Variants in GRIK2 observed in about 807,000 individuals in gnomAD.
The protein encoded by GRIK2 is glutamate ionotropic receptor kainate type subunit 2, also known as glutamate receptor ionotropic, kainate 2.
In GRIK2, 32 loss-of-function variants were observed where a neutral mutation model predicts 100.3. That is an observed-to-expected ratio of 0.32 (90% CI 0.24 to 0.43). GRIK2 has a LOEUF of 0.43. Among genes scored for constraint, GRIK2 ranks in the 20% least tolerant of loss-of-function variants. GRIK2 has a pLI of 1.00. For missense variants in GRIK2, 843 were observed against 1,114.9 expected (o/e 0.76, Z 3.47); for synonymous variants, 417 against 389.4 (o/e 1.07, Z -0.83).
rs78698539 is a variant in GRIK2, at chr6:101,724,677, T to G, written c.951+38324T>G. On this transcript the variant is annotated intron_variant, in intron 7 of 16. Coordinates refer to ENST00000369134, the MANE Select transcript of GRIK2 (RefSeq NM_021956.5). ...TCAACTGTGCATAAGAGCATTTGGGTAGGTGAGGAGGCATTAATGAAAGAT... is the reference window on the plus strand; with the variant it reads ...TCAACTGTGCATAAGAGCATTTGGGGAGGTGAGGAGGCATTAATGAAAGAT... 9.5e-3 allele frequency among the ~76,000 whole-genome samples: 1,449 copies of G among 152,122 alleles called. 27 individuals are homozygous for G. Among genetic ancestry groups the G allele is most frequent in the African/African-American group, 0.034 (1,393 of 41,542 alleles).
chr6:101,949,430 A>G (rs888908382), intron 14 of GRIK2, among the ~76,000 whole-genome samples: 2 of 152,066 alleles, frequency 1.3e-5, no homozygotes, highest in Non-Finnish European at 2.9e-5. Flanking sequence ...TGTTTGTTAC[A>G]TAGATATACA....
intron 14 of GRIK2, chr6:101,993,938 T>C (rs993392911): frequency 1.4e-5 from 2 of 147,496 alleles, no homozygotes; most frequent in East Asian, 2.0e-4. Context: ...AATATGAATA[T>C]ATACATTATA....
chr6:101,484,913 C>T (rs1772736517), intron 2 of GRIK2, among the ~76,000 whole-genome samples: 1 of 152,130 alleles, frequency 6.6e-6, no homozygotes, highest in Non-Finnish European at 1.5e-5. Flanking sequence ...AAACATTTAT[C>T]ACTTTTATTG....
intron 14 of GRIK2, among the ~76,000 whole-genome samples, chr6:102,020,397 A>G (rs1489853933): frequency 6.6e-6 from 1 of 151,880 alleles, no homozygotes; most frequent in Non-Finnish European, 1.5e-5. Context: ...GTAGAAATTT[A>G]TAGCCATGGA....
At chr6:101,705,751 T>G (rs2128355431) in intron 7 of GRIK2, among the ~76,000 whole-genome samples, 1 of 152,006 alleles carries the variant, frequency 6.6e-6, no homozygotes, top group South Asian at 2.1e-4. Flanking sequence ...AATGACAAAG[T>G]TAAGTGTGAT....
intron 9 of GRIK2, among the ~76,000 whole-genome samples, chr6:101,803,169 A>T (rs1004797688): frequency 6.6e-6 from 1 of 151,902 alleles, no homozygotes; most frequent in African/African-American, 2.4e-5. Flanking sequence ...GAGAAAAATT[A>T]TATGTGACTG....
intron 2 of GRIK2, among the ~76,000 whole-genome samples, chr6:101,590,846 A>T (rs1778609194): frequency 6.6e-6 from 1 of 151,986 alleles, no homozygotes; most frequent in African/African-American, 2.4e-5. Flanking sequence ...ATCTTTTACT[A>T]GTTAATAACT....
At chr6:102,014,695 C>A (rs1020224389) in intron 14 of GRIK2, among the ~76,000 whole-genome samples, 2 of 152,070 alleles carry the variant, frequency 1.3e-5, no homozygotes, top group Non-Finnish European at 2.9e-5. Context: ...TTATTTACTG[C>A]AAAGTCATTC....
intron 7 of GRIK2, among the ~76,000 whole-genome samples, chr6:101,767,252 A>G (rs545070416): frequency 6.6e-6 from 1 of 152,106 alleles, no homozygotes; most frequent in Non-Finnish European, 1.5e-5. Flanking sequence ...TAGTTATTTA[A>G]TTTTCTTCCA....
At chr6:101,511,895 A>T (rs1200751683) in intron 2 of GRIK2, among the ~76,000 whole-genome samples, 1 of 152,028 alleles carries the variant, frequency 6.6e-6, no homozygotes, top group Non-Finnish European at 1.5e-5. Flanking sequence ...TAGAACAATT[A>T]TTGGTATTTT....
At chr6:101,724,218 G>A (rs1439796127) in intron 7 of GRIK2, among the ~76,000 whole-genome samples, 2 of 151,636 alleles carry the variant, frequency 1.3e-5, no homozygotes, top group South Asian at 2.1e-4. Flanking sequence ...TAGATTCAGG[G>A]GGTACATGGA....
intron 2 of GRIK2, among the ~76,000 whole-genome samples, chr6:101,411,194 A>G (rs755259416): frequency 1.3e-5 from 2 of 151,938 alleles, no homozygotes; most frequent in African/African-American, 4.8e-5. Flanking sequence ...CCTTAAATTC[A>G]TTTCTCTTTC....
intron 14 of GRIK2, among the ~76,000 whole-genome samples, chr6:101,945,306 C>T (rs977586555): frequency 6.6e-6 from 1 of 151,936 alleles, no homozygotes; most frequent in Non-Finnish European, 1.5e-5. Context: ...TGTGAAACAT[C>T]TCTCTAATAA....
chr6:101,439,709 A>G (rs1769937901), intron 2 of GRIK2, among the ~76,000 whole-genome samples: 1 of 152,148 alleles, frequency 6.6e-6, no homozygotes, highest in Non-Finnish European at 1.5e-5. Flanking sequence ...ATTGTAGTTG[A>G]AATAACAAAA....
chr6:101,740,360 A>G (rs1054181953), intron 7 of GRIK2, among the ~76,000 whole-genome samples: 16 of 152,216 alleles, frequency 1.1e-4, no homozygotes, highest in African/African-American at 3.6e-4. Context: ...GGTTGTTAAC[A>G]GTGCATGGCA....
intron 2 of GRIK2, among the ~76,000 whole-genome samples, chr6:101,536,797 G>T (rs764514422): frequency 6.6e-6 from 1 of 151,592 alleles, no homozygotes; most frequent in Non-Finnish European, 1.5e-5. Flanking sequence ...TACACATTCA[G>T]CTAGATTCTT....
At chr6:101,619,921 G>A (rs558230283) in intron 2 of GRIK2, among the ~76,000 whole-genome samples, 4 of 152,082 alleles carry the variant, frequency 2.6e-5, no homozygotes, top group Non-Finnish European at 5.9e-5. Context: ...TTGACCAGAG[G>A]GGTAATTCCT....
At chr6:102,060,831 ATTAC>A (rs1351683379) in intron 16 of GRIK2, among the ~76,000 whole-genome samples, 2 of 150,662 alleles carry the variant, frequency 1.3e-5, no homozygotes, top group Non-Finnish European at 1.5e-5. Flanking sequence ...ATAATATCAT[ATTAC>A]TTTTTCTTAA....
At chr6:101,570,721 A>G (rs1777488233) in intron 2 of GRIK2, among the ~76,000 whole-genome samples, 1 of 152,134 alleles carries the variant, frequency 6.6e-6, no homozygotes, top group Non-Finnish European at 1.5e-5. Flanking sequence ...ATATTTGCAC[A>G]TGTCTGATCA....
Sources: gnomAD v4.1 joint callset for allele counts (sites outside exome capture counted in the v4.1 genomes callset) on GRCh38, gnomAD v4.1.1 for gene constraint, MANE v1.5 for transcripts, NCBI Gene and HGNC (gene_info 2026-07-23, HGNC 2026-07-21) for gene names.